Variants in EBF4 observed in about 807,000 individuals in gnomAD.
The protein encoded by EBF4 is transcription factor COE4.
EBF4 carries 34 observed loss-of-function variants against 67.1 expected under a neutral mutation model. The ratio of observed to expected loss-of-function variants is 0.51; its 90% CI spans 0.39 to 0.67. EBF4 has a LOEUF of 0.67. EBF4 is among the 30% of genes least tolerant of loss of function. The pLI is 0.00. For synonymous variants in EBF4, 387 were observed against 377.7 expected (o/e 1.02, Z -0.29); for missense variants, 837 against 873.3 (o/e 0.96, Z 0.52).
chr20:2,736,920 C>G (rs1186889963), intron 6 of EBF4, among the ~76,000 whole-genome samples: 3 of 152,196 alleles, frequency 2.0e-5, no homozygotes, highest in Non-Finnish European at 4.4e-5. Context: ...CATGCTGAGA[C>G]AGGAGCAGAG....
chr20:2,744,089 T>TA (rs1413675683), intron 6 of EBF4, among the ~76,000 whole-genome samples: 21 of 151,518 alleles, frequency 1.4e-4, no homozygotes, highest in Non-Finnish European at 2.2e-4. Context: ...TTTTTATTTT[T>TA]TTTTTTTTGA....
chr20:2,715,107 C>T, intron 6 of EBF4, among the ~76,000 whole-genome samples: 1 of 152,106 alleles, frequency 6.6e-6, no homozygotes, highest in Non-Finnish European at 1.5e-5. Context: ...GCCAGCTCCC[C>T]CCAGTCCCCA....
At chr20:2,732,723 C>A (rs1345752101) in intron 6 of EBF4, among the ~76,000 whole-genome samples, 1 of 152,156 alleles carries the variant, frequency 6.6e-6, no homozygotes, top group Admixed American at 6.5e-5. Context: ...TTTAATGAAG[C>A]ATTTCATCCA....
chr20:2,757,355 C>A (rs1202526574), intron 15 of EBF4, among the ~76,000 whole-genome samples: 1 of 152,132 alleles, frequency 6.6e-6, no homozygotes, highest in East Asian at 1.9e-4. Context: ...TGATGCCCTG[C>A]CCTGCACACA....
intron 2 of EBF4, 81 bp downstream of exon 2, chr20:2,705,814 C>CTGGG: frequency 2.2e-6 from 3 of 1,373,276 alleles, no homozygotes; most frequent in African/African-American, 3.1e-5. Context: ...CACACACACA[C>CTGGG]ACACACACAC....
In EBF4 at chr20:2,696,393, G is replaced by T. The variant is rs762692044; in HGVS notation, c.137+2611G>T. Among the ~76,000 whole-genome samples the T allele has an allele frequency of 6.6e-6, 1 of 152,052 alleles. No homozygotes were observed. The highest frequency in any genetic ancestry group is 1.5e-5 in the Non-Finnish European group (1 of 67,972). ...AGGCTGAGGTGGGAGGATTGCTTGA[G>T]CCCGGGAGGCAGAGGCTTCGGTGAG... On this transcript the variant is annotated intron_variant, in intron 1 of 16. Coordinates refer to ENST00000609451, the Ensembl canonical transcript of EBF4. The surrounding 1 kb of genome is among the most constrained non-coding windows in gnomAD (Gnocchi z 4.7).
rs73578076 is a variant in EBF4, at chr20:2,706,549, A to G, written c.414+285A>G. 0.1 allele frequency among the ~76,000 whole-genome samples: 15,960 copies of G among 152,076 alleles called. 928 individuals are homozygous for G. The highest frequency in any genetic ancestry group is 0.14 in the Admixed American group (2,160 of 15,280). On this transcript the variant is annotated intron_variant, in intron 4 of 16. Transcript: ENST00000609451. ...AGGTGCAGGTAGTTTATTTGGGGAG[A>G]TGGGAGGGGCTCCTAGGAGCAGGGG...
chr20:2,736,986 A>T (rs1220926062), intron 6 of EBF4, among the ~76,000 whole-genome samples: 2 of 152,088 alleles, frequency 1.3e-5, no homozygotes, highest in Non-Finnish European at 2.9e-5. Flanking sequence ...GCGGTGGCTC[A>T]CGCTTGTAAT....
rs756926048 is a variant in EBF4, at chr20:2,755,797, C to T, written c.1711C>T (p.Pro571Ser). ...CCCAAGCTCCCCACCCCAGGCCTGC[C>T]CCAGAGCCCACGGAGAGGGGCTTCC... Residue 571 changes from proline (P) to serine (S), a missense_variant, in exon 15 of 17, where the codon CCC (proline) becomes TCC (serine). Coordinates refer to ENST00000609451, the Ensembl canonical transcript of EBF4. This position sits in a 1 kb window ranked among gnomAD's most constrained non-coding sequence, Gnocchi z 4.7. The T allele has an allele frequency of 1.5e-5, 23 of 1,549,002 alleles. No homozygotes were observed. In the African/African-American group the frequency reaches 2.7e-4, roughly 18 times the overall value.
chr20:2,711,845 C>T (rs2087548750), intron 6 of EBF4, among the ~76,000 whole-genome samples: 1 of 151,988 alleles, frequency 6.6e-6, no homozygotes, highest in Non-Finnish European at 1.5e-5. Flanking sequence ...TCTGGGAGTG[C>T]CTAGGAAGGA....
At position 2,747,513 on chromosome 20, in the gene EBF4, T is replaced by TA. The variant is rs1221506560; in HGVS notation, c.558-1030dup. Among the ~76,000 whole-genome samples the TA allele has an allele frequency of 1.3e-5, 2 of 152,038 alleles. No homozygotes were observed. Among genetic ancestry groups the TA allele is most frequent in the Non-Finnish European group, 2.9e-5 (2 of 68,010 alleles). ...GTGTTTTTTTCCCAATAACTCTATG[T>TA]AAAAAAGAAGACATTCACGGTGTCT... is the stretch of plus-strand genomic sequence containing the variant. On this transcript the variant is annotated intron_variant, in intron 6 of 16. Coordinates refer to ENST00000609451, the Ensembl canonical transcript of EBF4. The surrounding 1 kb of genome is among the most constrained non-coding windows in gnomAD (Gnocchi z 4.6).
At chr20:2,752,511 C>T in exon 14 of EBF4, 2 of 1,254,008 alleles carry the variant, frequency 1.6e-6, no homozygotes, top group Non-Finnish European at 2.0e-6. Flanking sequence ...CCCCCAGCTT[C>T]CTCAATGGCT....
chr20:2,737,281 T>C (rs113339123), intron 6 of EBF4, among the ~76,000 whole-genome samples: 3,589 of 145,006 alleles, frequency 0.025, 145 homozygotes, highest in African/African-American at 0.084. Flanking sequence ...GAAAAGAAGA[T>C]TGGGGGAAGA....
At chr20:2,752,660 T>G in intron 14 of EBF4, 115 bp downstream of exon 14, 15 of 889,452 alleles carry the variant, frequency 1.7e-5, no homozygotes, top group South Asian at 1.1e-4. Flanking sequence ...GAGTCGACCC[T>G]GGCTCAGCCC....
intron 1 of EBF4, among the ~76,000 whole-genome samples, chr20:2,704,128 T>C (rs1413585521): frequency 6.6e-6 from 1 of 152,174 alleles, no homozygotes; most frequent in East Asian, 1.9e-4. Flanking sequence ...CCTGCCATAG[T>C]CTATTGACCT....
chr20:2,704,503 C>G (rs2087423310), intron 1 of EBF4, among the ~76,000 whole-genome samples: 1 of 152,178 alleles, frequency 6.6e-6, no homozygotes, highest in Non-Finnish European at 1.5e-5. Flanking sequence ...CTTTTTGACA[C>G]CTGCGGTACA....
At chr20:2,737,736 C>T (rs1410993987) in intron 6 of EBF4, among the ~76,000 whole-genome samples, 2 of 151,240 alleles carry the variant, frequency 1.3e-5, no homozygotes, top group Non-Finnish European at 2.9e-5. Flanking sequence ...TTTGGGAGGC[C>T]GAGGTGGGCG....
chr20:2,700,329 A>G (rs1484007038), intron 1 of EBF4, among the ~76,000 whole-genome samples: 2 of 152,048 alleles, frequency 1.3e-5, no homozygotes, highest in South Asian at 2.1e-4. Flanking sequence ...TTCTCGGGGA[A>G]CCCAAATAAA....
intron 6 of EBF4, among the ~76,000 whole-genome samples, chr20:2,727,731 TATC>T (rs1756248727): frequency 6.6e-6 from 1 of 152,212 alleles, no homozygotes; most frequent in Non-Finnish European, 1.5e-5. Context: ...TGCCAACACT[TATC>T]ATCTTTTTTA....
Sources: allele counts gnomAD v4.1 joint callset (sites outside exome capture counted in the v4.1 genomes callset), GRCh38; gene constraint gnomAD v4.1.1; non-coding constraint Gnocchi (gnomAD v3.1); transcripts MANE v1.5; gene names NCBI Gene and HGNC (gene_info 2026-07-23, HGNC 2026-07-21).